P4HA3: variants seen among roughly 807,000 people sequenced by gnomAD.
P4HA3 encodes the protein prolyl 4-hydroxylase subunit alpha 3, also known as prolyl 4-hydroxylase subunit alpha-3.
In P4HA3, 60 loss-of-function variants were observed where a neutral mutation model predicts 66.7. The observed-to-expected ratio is 0.90, with a 90% CI of 0.73 to 1.12. The LOEUF is 1.12. Among genes scored for constraint, P4HA3 ranks in the 50% most tolerant of loss-of-function variants. The probability of loss-of-function intolerance (pLI) is 0.00; values close to 1 mark genes in which losing one functional copy is unlikely to be tolerated. For missense variants in P4HA3, 683 were observed against 685.8 expected (o/e 1.00, Z 0.05); for synonymous variants, 263 against 274.6 (o/e 0.96, Z 0.42).
In P4HA3 at chr11:74,253,800, C is replaced by T; in HGVS notation, c.*1319-5799G>A. Reference sequence around the variant, plus strand: ...TCTCCCTGCGTTGCCTAGGGTAAAGCCTCCAGATTTGCCATACTGAGCCCC... The same window carrying T: ...TCTCCCTGCGTTGCCTAGGGTAAAGTCTCCAGATTTGCCATACTGAGCCCC... On this transcript the variant is annotated intron_variant and NMD_transcript_variant, in intron 15 of 15. Coordinates refer to the P4HA3 transcript ENST00000524388. 5 of 541,978 alleles carry T rather than the reference C, an allele frequency of 9.2e-6. No individual in the cohort carries two copies. In the South Asian group the frequency reaches 1.0e-4, roughly 11 times the overall value. 33.6% of individuals were successfully genotyped at this position (541,978 alleles called of 1,614,324 possible). A position where few individuals can be genotyped will look rare whatever the true frequency, so the allele number is the denominator to read the frequency against.
intron 4 of P4HA3, among the ~76,000 whole-genome samples, chr11:74,297,487 A>T (rs911818862): frequency 2.6e-5 from 4 of 152,222 alleles, no homozygotes; most frequent in Non-Finnish European, 4.4e-5. Context: ...AGATTTTTGC[A>T]GCCTACCCTT....
rs772347411 is a variant in P4HA3, at chr11:74,277,158, C to T, written c.1176-14G>A. On this transcript the variant is annotated splice_polypyrimidine_tract_variant and intron_variant, in intron 8 of 12. Coordinates refer to ENST00000331597, the MANE Select transcript of P4HA3 (RefSeq NM_182904.5). ...TTCAGCCAGGCACTAAAACACACCA[C>T]AGATTGAAGCATCAATGATCTGTTG... is the stretch of plus-strand genomic sequence containing the variant. 2 of 1,602,366 alleles carry T rather than the reference C, an allele frequency of 1.2e-6. No individual in the cohort carries two copies. The highest frequency in any genetic ancestry group is 4.5e-5 in the East Asian group (2 of 44,572).
chr11:74,289,206 A>C, intron 4 of P4HA3, 76 bp from the exon 5 acceptor site: 1 of 1,123,376 alleles, frequency 8.9e-7, no homozygotes, highest in Non-Finnish European at 1.2e-6. Flanking sequence ...CATTAAATTA[A>C]AAAAAAAAAA....
At chr11:74,302,264 A>T in intron 3 of P4HA3, 105 bp downstream of exon 3, 1 of 1,069,360 alleles carries the variant, frequency 9.4e-7, no homozygotes, top group Non-Finnish European at 1.3e-6. Context: ...TCAAATTTCC[A>T]AGTTTACTGT....
intron 10 of P4HA3, among the ~76,000 whole-genome samples, chr11:74,271,651 C>A (rs991599163): frequency 6.6e-6 from 1 of 152,004 alleles, no homozygotes; most frequent in Non-Finnish European, 1.5e-5. Flanking sequence ...TGCACACCAC[C>A]GCACCCAGAT....
intron 7 of P4HA3, among the ~76,000 whole-genome samples, chr11:74,280,370 G>T (rs1211827904): frequency 6.6e-6 from 1 of 151,898 alleles, no homozygotes. Context: ...TTGTTGCCCA[G>T]GCTGGTCTTG....
chr11:74,285,530 A>G (rs1171551790), intron 7 of P4HA3: 2 of 314,976 alleles, frequency 6.3e-6, no homozygotes, highest in East Asian at 6.0e-5. Flanking sequence ...TGACAAATGC[A>G]TACAGCCACA....
In P4HA3 at chr11:74,267,118, G is replaced by T; in HGVS notation, c.*130C>A. 1 of 1,551,296 alleles carries T rather than the reference G, an allele frequency of 6.4e-7. No homozygotes were observed. ...AACCTCTCCCTTGCCTCTGATTTGC[G>T]AGGCACAGACAAAGCTGACAAGGCC... On this transcript the variant is annotated 3_prime_UTR_variant, in exon 13 of 13. Transcript: ENST00000331597.
At chr11:74,250,966 T>C (rs1379410547) in intron 15 of P4HA3, 1 of 1,601,164 alleles carries the variant, frequency 6.2e-7, no homozygotes, top group African/African-American at 1.3e-5. Flanking sequence ...AAGTTCCAGA[T>C]GCAGGTCCTA....
downstream of P4HA3, among the ~76,000 whole-genome samples, chr11:74,265,354 T>G (rs1565402226): frequency 6.6e-6 from 1 of 152,188 alleles, no homozygotes; most frequent in Non-Finnish European, 1.5e-5. Flanking sequence ...CACTTCAGAC[T>G]CTGAGGAAGC....
chr11:74,256,019 A>G, intron 15 of P4HA3: 3 of 484,270 alleles, frequency 6.2e-6, no homozygotes, highest in South Asian at 1.5e-5. Flanking sequence ...CATCAGGTTC[A>G]CTCAAATTTT....
intron 1 of P4HA3, among the ~76,000 whole-genome samples, chr11:74,308,199 C>T (rs1259144992): frequency 3.9e-5 from 6 of 151,920 alleles, no homozygotes; most frequent in Non-Finnish European, 7.4e-5. Flanking sequence ...GCAAGAACTG[C>T]CAAAATTCTT....
intron 15 of P4HA3, among the ~76,000 whole-genome samples, chr11:74,252,164 G>A (rs903735662): frequency 1.1e-4 from 17 of 148,872 alleles, no homozygotes; most frequent in Non-Finnish European, 1.8e-4. Context: ...TGCCACCTGG[G>A]CTCAAGTGAT....
chr11:74,283,211 C>T (rs1436613227), intron 7 of P4HA3, among the ~76,000 whole-genome samples: 1 of 152,144 alleles, frequency 6.6e-6, no homozygotes, highest in Non-Finnish European at 1.5e-5. Flanking sequence ...AAGATCTGTG[C>T]ATGCTAAATG....
chr11:74,279,929 A>G (rs1160148736), intron 7 of P4HA3, among the ~76,000 whole-genome samples: 1 of 152,202 alleles, frequency 6.6e-6, no homozygotes, highest in Non-Finnish European at 1.5e-5. Context: ...GCTCCTTTTG[A>G]ATATTCTAAT....
In P4HA3 at chr11:74,267,398, T is replaced by C. The variant is rs1349772370; in HGVS notation, c.1565-80A>G. ...AATGCTGCAGACTGGTGCGCACTCA[T>C]AGGCGCGTGTGAGTGCCCCCTTAAA... On this transcript the variant is annotated intron_variant, in intron 12 of 12. Coordinates refer to ENST00000331597, the MANE Select transcript of P4HA3 (RefSeq NM_182904.5). 5.3e-6 allele frequency: 8 copies of C among 1,514,022 alleles called. No homozygotes were observed. The African/African-American group carries it at 5.5e-5, about 10-fold the overall frequency. The allele number at this position is 1,514,022 out of a possible 1,614,324, so 93.8% of individuals were successfully genotyped here.
intron 15 of P4HA3, chr11:74,254,310 A>G (rs992680902): frequency 6.5e-6 from 1 of 152,726 alleles, no homozygotes; most frequent in Non-Finnish European, 1.5e-5. Context: ...TTAATCATCA[A>G]ATTTAACCAT....
At chr11:74,285,101 A>T (rs1038512296) in intron 7 of P4HA3, among the ~76,000 whole-genome samples, 8 of 152,040 alleles carry the variant, frequency 5.3e-5, no homozygotes, top group African/African-American at 1.9e-4. Context: ...AAATATAATA[A>T]TAATAATATA....
At position 74,302,639 on chromosome 11, in the gene P4HA3, T is replaced by C. The variant is rs779523867; in HGVS notation, c.344-47A>G. On this transcript the variant is annotated intron_variant, in intron 2 of 12. Coordinates refer to ENST00000331597, the MANE Select transcript of P4HA3 (RefSeq NM_182904.5). ...CAACCCAGCATTCAAGAAACAGGAG[T>C]TGGGCATTTAATACATGTAAGGCAT... 3.9e-6 allele frequency: 6 copies of C among 1,541,300 alleles called. No individual in the cohort carries two copies. In the African/African-American group the frequency reaches 5.5e-5, roughly 14 times the overall value.
Sources: allele counts gnomAD v4.1 joint callset (sites outside exome capture counted in the v4.1 genomes callset), GRCh38; gene constraint gnomAD v4.1.1; transcripts MANE v1.5; gene names NCBI Gene and HGNC (gene_info 2026-07-23, HGNC 2026-07-21).